The following RASEF variants were observed in gnomAD, a reference collection of about 807,000 sequenced individuals.
RASEF encodes the protein RAS and EF-hand domain containing.
In RASEF, 68 loss-of-function variants were observed where a neutral mutation model predicts 90.1. The observed-to-expected ratio is 0.75, with a 90% CI of 0.62 to 0.92. RASEF has a LOEUF of 0.92. Among genes scored for constraint, RASEF ranks in the 40% least tolerant of loss-of-function variants. The probability of loss-of-function intolerance (pLI) is 0.00; values close to 1 mark genes in which losing one functional copy is unlikely to be tolerated. For missense variants in RASEF, 949 were observed against 937.2 expected, an observed-to-expected ratio of 1.01 and a Z score of -0.16; for synonymous variants, 331 against 345.2, an observed-to-expected ratio of 0.96 and a Z score of 0.46.
the RASEF span, among the ~76,000 whole-genome samples, chr9:83,133,235 G>A: frequency 6.6e-6 from 1 of 152,110 alleles, no homozygotes; most frequent in Non-Finnish European, 1.5e-5. Flanking sequence ...TTAAAATAGA[G>A]TACTTCTCCT....
the RASEF span, among the ~76,000 whole-genome samples, chr9:83,211,948 G>A: frequency 6.6e-6 from 1 of 152,130 alleles, no homozygotes; most frequent in South Asian, 2.1e-4. Context: ...TTGTACTCAT[G>A]TATAATTAGT....
At chr9:83,137,790 T>G in the RASEF span, among the ~76,000 whole-genome samples, 1 of 51,402 alleles carries the variant, frequency 1.9e-5, no homozygotes, top group Admixed American at 2.6e-4. Flanking sequence ...ATACATGAAG[T>G]GATTGAAAAA....
chr9:83,184,830 A>T, the RASEF span, among the ~76,000 whole-genome samples: 1 of 152,028 alleles, frequency 6.6e-6, no homozygotes, highest in Non-Finnish European at 1.5e-5. Context: ...TTGAAAAAAA[A>T]AATTCTTCAC....
At chr9:83,121,884 T>C in the RASEF span, among the ~76,000 whole-genome samples, 1 of 152,124 alleles carries the variant, frequency 6.6e-6, no homozygotes, top group Non-Finnish European at 1.5e-5. Flanking sequence ...CCACTTACCA[T>C]AGGTACGAAG....
the RASEF span, among the ~76,000 whole-genome samples, chr9:83,212,722 T>A: frequency 6.6e-6 from 1 of 152,166 alleles, no homozygotes; most frequent in African/African-American, 2.4e-5. Flanking sequence ...CCTATAGGCA[T>A]GAAAAAGATG....
At chr9:83,025,627 T>TG in intron 2 of RASEF, 148 bp downstream of exon 2, 1 of 629,968 alleles carries the variant, frequency 1.6e-6, no homozygotes, top group South Asian at 2.9e-5. Context: ...TCTCCATTGC[T>TG]GGCTTAATTT....
In RASEF at chr9:83,022,328, A is replaced by G. The variant is rs1442373505; in HGVS notation, c.669+8T>C. ...TCTGCTGAATGAATGGCCAACCCAGAAACTCACGTCTTTCCGTGTCTTATG... is the reference window on the plus strand; with the variant it reads ...TCTGCTGAATGAATGGCCAACCCAGGAACTCACGTCTTTCCGTGTCTTATG... On this transcript the variant is annotated splice_region_variant and intron_variant, in intron 3 of 16. Coordinates refer to ENST00000376447, the MANE Select transcript of RASEF (RefSeq NM_152573.4). 6.2e-7 allele frequency: 1 copy of G among 1,611,852 alleles called. No individual in the cohort carries two copies. The highest frequency in any genetic ancestry group is 1.7e-5 in the Admixed American group (1 of 59,998).
the RASEF span, among the ~76,000 whole-genome samples, chr9:83,136,112 C>G: frequency 2.6e-5 from 4 of 151,776 alleles, no homozygotes; most frequent in Non-Finnish European, 5.9e-5. Context: ...TATATAAAAA[C>G]AATAACAGTA....
chr9:83,083,797 A>C, the RASEF span, among the ~76,000 whole-genome samples: 1 of 152,158 alleles, frequency 6.6e-6, no homozygotes, highest in African/African-American at 2.4e-5. Context: ...AAACTGGTAC[A>C]GCCTTTCTTA....
chr9:83,146,094 C>T, the RASEF span, among the ~76,000 whole-genome samples: 1 of 151,068 alleles, frequency 6.6e-6, no homozygotes, highest in Non-Finnish European at 1.5e-5. Context: ...TATGGGGATA[C>T]TCCTTGGAGA....
the RASEF span, among the ~76,000 whole-genome samples, chr9:83,194,771 A>C: frequency 6.6e-6 from 1 of 152,206 alleles, no homozygotes; most frequent in African/African-American, 2.4e-5. Flanking sequence ...GTTATAACCT[A>C]GCACTACATT....
chr9:83,152,170 G>T, the RASEF span, among the ~76,000 whole-genome samples: 1 of 152,180 alleles, frequency 6.6e-6, no homozygotes, highest in South Asian at 2.1e-4. Flanking sequence ...GATAAAATCA[G>T]ATGGGACACT....
chr9:83,173,910 G>A, the RASEF span, among the ~76,000 whole-genome samples: 1 of 151,780 alleles, frequency 6.6e-6, no homozygotes, highest in Admixed American at 6.6e-5. Context: ...TTGATACGGT[G>A]TTTATTTATG....
the RASEF span, among the ~76,000 whole-genome samples, chr9:83,176,291 T>C: frequency 2.6e-5 from 4 of 152,210 alleles, no homozygotes; most frequent in Admixed American, 6.5e-5. Context: ...TCTGTTTGTC[T>C]CATATTAGTC....
chr9:82,985,708 C>T (rs1219564760), intron 16 of RASEF, among the ~76,000 whole-genome samples: 1 of 151,998 alleles, frequency 6.6e-6, no homozygotes, highest in Non-Finnish European at 1.5e-5. Context: ...ATTTTGAGGC[C>T]TGAACCAAAG....
intron 1 of RASEF, among the ~76,000 whole-genome samples, chr9:83,042,724 G>T (rs949220629): frequency 2.0e-5 from 3 of 151,796 alleles, no homozygotes; most frequent in African/African-American, 7.3e-5. Flanking sequence ...TCCAAAAGGA[G>T]GTTGGAAAGT....
chr9:82,995,906 T>A (rs1420947119), intron 14 of RASEF, among the ~76,000 whole-genome samples: 1 of 152,210 alleles, frequency 6.6e-6, no homozygotes, highest in Non-Finnish European at 1.5e-5. Flanking sequence ...AAGTTTCTCA[T>A]AAAAACTTAG....
At chr9:83,063,682 TAAAC>T (rs1024518634), upstream of RASEF, among the ~76,000 whole-genome samples, 3 of 152,226 alleles carry the variant, frequency 2.0e-5, no homozygotes, top group Non-Finnish European at 2.9e-5. Flanking sequence ...AAAAATTTGA[TAAAC>T]AAAATCGTTT....
the RASEF span, among the ~76,000 whole-genome samples, chr9:83,081,451 A>G: frequency 1.3e-5 from 2 of 152,140 alleles, no homozygotes; most frequent in Non-Finnish European, 2.9e-5. Context: ...CTGGCCTGAA[A>G]AATAGTATAA....
Sources: allele counts gnomAD v4.1 joint callset (sites outside exome capture counted in the v4.1 genomes callset), GRCh38; gene constraint gnomAD v4.1.1; transcripts MANE v1.5; gene names NCBI Gene and HGNC (gene_info 2026-07-23, HGNC 2026-07-21).